BTD: variants seen among roughly 807,000 people sequenced by gnomAD.
BTD encodes biotinidase.
A neutral mutation model predicts 17.7 loss-of-function variants in BTD; 13 were observed. That is an observed-to-expected ratio of 0.74 (90% CI 0.48 to 1.17). BTD has a LOEUF of 1.17. Ranked by LOEUF, BTD falls within the 50% of genes most tolerant of loss-of-function variation. The pLI, the probability that BTD is intolerant of heterozygous loss-of-function variation, is 0.00. For missense variants in BTD, 674 were observed against 650.4 expected (o/e 1.04, Z -0.39); for synonymous variants, 240 against 245.2 (o/e 0.98, Z 0.20).
In BTD at chr3:15,696,808, G is replaced by A. The variant is rs116263279; in HGVS notation, c.400-13252G>A. Among the ~76,000 whole-genome samples, 882 of 152,190 alleles carry A rather than the reference G, an allele frequency of 5.8e-3. 6 individuals are homozygous for A. Among genetic ancestry groups the A allele is most frequent in the African/African-American group, 0.02 (843 of 41,524 alleles). On this transcript the variant is annotated intron_variant, in intron 3 of 3. Coordinates refer to the BTD transcript ENST00000672141. ...ATAAGAGATACTTCATTTCATTTCT[G>A]TGATAATAAAATATGAGGAAAATAA...
At position 15,651,414 on chromosome 3, in the gene BTD, A is replaced by G. The variant is rs2065801145; in HGVS notation, c.*5926A>G. On this transcript the variant is annotated 3_prime_UTR_variant, in exon 4 of 4. Transcript: ENST00000643237. The stretch of plus-strand genomic sequence containing the variant: ...TGGGCAGGATGTAGGGGAACCCAGA[A>G]AGGATAATGCACTACCCAGCGGCCA... 6.6e-6 allele frequency among the ~76,000 whole-genome samples: 1 copy of G among 152,206 alleles called. No homozygotes were observed. The highest frequency in any genetic ancestry group is 1.5e-5 in the Non-Finnish European group (1 of 68,034).
rs2470531 is a variant in BTD, at chr3:15,647,611, G to A, written c.*2123G>A. 0.5 allele frequency: 75,743 copies of A among 152,016 alleles called. 21,862 individuals are homozygous for A. Among genetic ancestry groups the A allele is most frequent in the Middle Eastern group, 0.65 (190 of 294 alleles). 9.4% of individuals were successfully genotyped at this position (152,016 alleles called of 1,614,324 possible). A position where few individuals can be genotyped will look rare whatever the true frequency, so the allele number is the denominator to read the frequency against. On this transcript the variant is annotated 3_prime_UTR_variant, in exon 4 of 4. Transcript: ENST00000643237. ...AGATGACAGAACAAAGTAGAGGACG[G>A]GAAAATAAATCATTTTCAGGGAAAA... is the stretch of plus-strand genomic sequence containing the variant.
rs34806568 is a variant in BTD at position 15,674,174 on chromosome 3, CAA to C, written c.399+32140_399+32141del. Among the ~76,000 whole-genome samples, 339 of 40,252 alleles carry C rather than the reference CAA, an allele frequency of 8.4e-3. 3 individuals carry two copies. The highest frequency in any genetic ancestry group is 0.049 in the East Asian group (61 of 1,236). 26.4% of individuals were successfully genotyped at this position (40,252 alleles called of 152,430 possible). A position where few individuals can be genotyped will look rare whatever the true frequency, so the allele number is the denominator to read the frequency against. On this transcript the variant is annotated intron_variant, in intron 3 of 3. Coordinates refer to the BTD transcript ENST00000672141. Reference sequence around the variant, plus strand: ...GCAACAGAGTGAGACCCTGCCTCTTCAAAAAAAAAAAAAAAAAAAAAAAAGAA... The same window carrying C: ...GCAACAGAGTGAGACCCTGCCTCTTCAAAAAAAAAAAAAAAAAAAAAAGAA...
chr3:15,717,630 AC>A (rs1355740501), downstream of BTD, among the ~76,000 whole-genome samples: 1 of 152,184 alleles, frequency 6.6e-6, no homozygotes, highest in East Asian at 1.9e-4. Context: ...CAAACACTTC[AC>A]AGTATTTTTT....
chr3:15,705,356 C>T (rs2071212879), intron 3 of BTD, among the ~76,000 whole-genome samples: 1 of 152,076 alleles, frequency 6.6e-6, no homozygotes, highest in Non-Finnish European at 1.5e-5. Context: ...AGGTTTAGTG[C>T]ATTTGTCTAA....
At chr3:15,640,258 C>A (rs1271266357) in intron 2 of BTD, among the ~76,000 whole-genome samples, 4 of 152,172 alleles carry the variant, frequency 2.6e-5, no homozygotes, top group African/African-American at 9.7e-5. Flanking sequence ...GCACACTATG[C>A]AGATGGTCAC....
At chr3:15,677,821 T>C (rs1234797243) in intron 3 of BTD, among the ~76,000 whole-genome samples, 1 of 152,176 alleles carries the variant, frequency 6.6e-6, no homozygotes, top group Admixed American at 6.5e-5. Flanking sequence ...TAAATACTGT[T>C]TTATATGCTC....
intron 3 of BTD, chr3:15,683,594 A>G (rs2067772392): frequency 6.6e-6 from 1 of 152,232 alleles, no homozygotes; most frequent in Non-Finnish European, 1.5e-5. Flanking sequence ...TCAAGTTTTT[A>G]TGGTGCTATC....
At chr3:15,621,937 T>G (rs1028625541) in intron 1 of BTD, among the ~76,000 whole-genome samples, 1 of 152,192 alleles carries the variant, frequency 6.6e-6, no homozygotes. Context: ...TATCAAATTT[T>G]GGGGCATAAA....
exon 4 of BTD, chr3:15,711,148 T>TA: frequency 7.4e-7 from 1 of 1,360,356 alleles, no homozygotes; most frequent in Non-Finnish European, 1.0e-6. Flanking sequence ...AGAACAAAGA[T>TA]AAGAGAAAAC....
intron 2 of BTD, among the ~76,000 whole-genome samples, chr3:15,640,284 A>C (rs1216647045): frequency 1.3e-5 from 2 of 152,200 alleles, no homozygotes; most frequent in African/African-American, 4.8e-5. Flanking sequence ...TTTTCTTTTT[A>C]TTACAAAAAG....
Position 15,720,265 on chromosome 3 carries a change from AGTT to A in BTD, c.1016-1504_1016-1502del, listed in dbSNP as rs749945288. ...TATTCCTTATGTGCAACACACTGACAGTTTTTTTTCCCTAACACTGTAAAATTT... is the reference window on the plus strand; with the variant it reads ...TATTCCTTATGTGCAACACACTGACATTTTTTCCCTAACACTGTAAAATTT... On this transcript the variant is annotated intron_variant, in intron 4 of 4. Transcript: ENST00000672427. 8.1e-4 allele frequency among the ~76,000 whole-genome samples: 123 copies of A among 152,244 alleles called. 1 individual carries two copies. The highest frequency in any genetic ancestry group is 1.5e-3 in the Non-Finnish European group (102 of 68,006).
At chr3:15,716,266 GCCAC>G (rs1476415287), downstream of BTD, among the ~76,000 whole-genome samples, 1 of 149,306 alleles carries the variant, frequency 6.7e-6, no homozygotes, top group Non-Finnish European at 1.5e-5. Flanking sequence ...ACAGGCATGA[GCCAC>G]CGCACCTGGA....
intron 3 of BTD, among the ~76,000 whole-genome samples, chr3:15,673,485 A>G (rs1356754134): frequency 1.3e-5 from 2 of 152,354 alleles, no homozygotes; most frequent in East Asian, 1.9e-4. Context: ...TGGAGCTTAC[A>G]TTCACTTTAG....
intron 1 of BTD, among the ~76,000 whole-genome samples, chr3:15,629,451 A>G (rs1164380604): frequency 6.6e-6 from 1 of 152,224 alleles, no homozygotes; most frequent in African/African-American, 2.4e-5. Context: ...CTGATCACCC[A>G]GAATCTCCCT....
chr3:15,608,598 T>G (rs964972313), intron 1 of BTD, among the ~76,000 whole-genome samples: 15 of 152,070 alleles, frequency 9.9e-5, no homozygotes, highest in African/African-American at 3.6e-4. Context: ...AAACCCCGTC[T>G]CTACTAAAAA....
chr3:15,655,307 G>C (rs1231716145), downstream of BTD, among the ~76,000 whole-genome samples: 1 of 152,138 alleles, frequency 6.6e-6, no homozygotes, highest in Non-Finnish European at 1.5e-5. Flanking sequence ...GGAATATAAA[G>C]ATACTTATAA....
intron 3 of BTD, among the ~76,000 whole-genome samples, chr3:15,693,874 G>A (rs948433877): frequency 2.6e-5 from 4 of 152,010 alleles, no homozygotes; most frequent in African/African-American, 4.8e-5. Flanking sequence ...TAAAACACCC[G>A]CAAGGAGAAT....
chr3:15,615,506 A>G (rs907840097), intron 1 of BTD, among the ~76,000 whole-genome samples: 4 of 152,188 alleles, frequency 2.6e-5, no homozygotes, highest in Admixed American at 2.6e-4. Context: ...TTTAAAATCT[A>G]AACCCCTTGG....
Sources: gnomAD v4.1 joint callset for allele counts (sites outside exome capture counted in the v4.1 genomes callset) on GRCh38, gnomAD v4.1.1 for gene constraint, MANE v1.5 for transcripts, NCBI Gene and HGNC (gene_info 2026-07-23, HGNC 2026-07-21) for gene names.